The following MKLN1 variants were observed in gnomAD, a reference collection of about 807,000 sequenced individuals.
The protein encoded by MKLN1 is muskelin 1.
In MKLN1, 18 loss-of-function variants were observed where a neutral mutation model predicts 99.0. The observed-to-expected ratio is 0.18, with a 90% CI of 0.13 to 0.27. The LOEUF is 0.27. Ranked by LOEUF, MKLN1 falls within the 10% of genes least tolerant of loss-of-function variation. MKLN1 has a pLI of 1.00. For synonymous variants in MKLN1, 288 were observed against 293.2 expected (o/e 0.98, Z 0.18); for missense variants, 621 against 875.9 (o/e 0.71, Z 3.67).
chr7:131,278,121 C>A (rs1018437822), intron 3 of MKLN1, among the ~76,000 whole-genome samples: 1 of 152,066 alleles, frequency 6.6e-6, no homozygotes, highest in Non-Finnish European at 1.5e-5. Context: ...CAGCTCACTG[C>A]AACCTCTGCC....
intron 1 of MKLN1, among the ~76,000 whole-genome samples, chr7:131,113,930 C>T (rs546095990): frequency 5.3e-5 from 8 of 152,198 alleles, no homozygotes; most frequent in African/African-American, 1.4e-4. Flanking sequence ...CCCTCACTAT[C>T]GTGAGAACAG....
At chr7:131,449,470 G>A (rs1000644943) in intron 12 of MKLN1, among the ~76,000 whole-genome samples, 1 of 152,140 alleles carries the variant, frequency 6.6e-6, no homozygotes, top group African/African-American at 2.4e-5. Context: ...CAATGTTCCT[G>A]TGAGTTGCAT....
intron 6 of MKLN1, 92 bp from the exon 7 acceptor site, chr7:131,411,212 CTT>C: frequency 1.5e-6 from 1 of 684,506 alleles, no homozygotes; most frequent in African/African-American, 1.8e-5. Context: ...TTAGTAATTT[CTT>C]TTAATGTAGC....
intron 3 of MKLN1, among the ~76,000 whole-genome samples, chr7:131,321,596 AT>A (rs943019660): frequency 2.0e-5 from 3 of 152,346 alleles, no homozygotes; most frequent in African/African-American, 7.2e-5. Context: ...TTTAAAAAAA[AT>A]AAAAACTTTT....
At chr7:131,467,072 C>T (rs1367829798) in intron 15 of MKLN1, among the ~76,000 whole-genome samples, 1 of 152,078 alleles carries the variant, frequency 6.6e-6, no homozygotes, top group Non-Finnish European at 1.5e-5. Context: ...TGCTTTAGGG[C>T]CAGGTGCAGT....
intron 12 of MKLN1, among the ~76,000 whole-genome samples, 180 bp downstream of exon 12, chr7:131,446,083 G>A (rs1796005228): frequency 6.6e-6 from 1 of 151,856 alleles, no homozygotes; most frequent in African/African-American, 2.4e-5. Flanking sequence ...TTTAAATATG[G>A]GAATTACTAT....
intron 3 of MKLN1, among the ~76,000 whole-genome samples, chr7:131,307,883 T>C (rs1427301308): frequency 6.6e-6 from 1 of 152,194 alleles, no homozygotes; most frequent in Non-Finnish European, 1.5e-5. Flanking sequence ...AATTGTATTT[T>C]GCAATCTGAA....
intron 3 of MKLN1, among the ~76,000 whole-genome samples, chr7:131,283,302 CT>C (rs1798079027): frequency 7.8e-6 from 1 of 128,646 alleles, no homozygotes; most frequent in Non-Finnish European, 1.6e-5. Flanking sequence ...AGAGAAGGCC[CT>C]TCCCTCCCTC....
intron 1 of MKLN1, among the ~76,000 whole-genome samples, chr7:131,354,423 A>G (rs1648430092): frequency 6.7e-6 from 1 of 148,634 alleles, no homozygotes; most frequent in Admixed American, 6.7e-5. Context: ...TGGGTTTCAC[A>G]TGTTTAGTGT....
At chr7:131,279,529 C>T (rs755602638) in intron 3 of MKLN1, among the ~76,000 whole-genome samples, 3 of 152,098 alleles carry the variant, frequency 2.0e-5, no homozygotes, top group Non-Finnish European at 2.9e-5. Context: ...AAGTTTGGTC[C>T]AGGTGTGGTG....
At chr7:131,278,194 C>T (rs577008638) in intron 3 of MKLN1, among the ~76,000 whole-genome samples, 35 of 152,126 alleles carry the variant, frequency 2.3e-4, no homozygotes, top group East Asian at 3.9e-4. Flanking sequence ...AGGCACACCA[C>T]GCCTGGCTAA....
intron 12 of MKLN1, among the ~76,000 whole-genome samples, chr7:131,455,422 TAAAG>T (rs1796303248): frequency 6.6e-6 from 1 of 152,224 alleles, no homozygotes; most frequent in Non-Finnish European, 1.5e-5. Context: ...TTAAAGATGT[TAAAG>T]AAGAAATAGA....
rs183006327 is a variant in MKLN1 at position 131,329,085 on chromosome 7, G to A, written c.98+1088G>A. Among the ~76,000 whole-genome samples, 116 of 152,250 alleles carry A rather than the reference G, an allele frequency of 7.6e-4. 1 individual carries two copies. The highest frequency in any genetic ancestry group is 2.2e-3 in the Admixed American group (34 of 15,302). On this transcript the variant is annotated intron_variant, in intron 1 of 17. Transcript: ENST00000352689. ...ATTAATGAATAATATATTTTACTGA[G>A]TATTTTACTAAACAAAAAAGTGACT...
At position 131,258,732 on chromosome 7, in the gene MKLN1, T is replaced by C. The variant is rs555850554; in HGVS notation, c.-179+55758T>C. Among the ~76,000 whole-genome samples the C allele has an allele frequency of 4.3e-3, 649 of 152,320 alleles. 7 individuals are homozygous for C. Among genetic ancestry groups the C allele is most frequent in the African/African-American group, 0.015 (611 of 41,570 alleles). On this transcript the variant is annotated intron_variant, in intron 3 of 7. Coordinates refer to the MKLN1 transcript ENST00000416992. ...TGTGTGGTTATATTTTCCCCTTCTT[T>C]CCTTCTTTTATGAGATCAATTCTAG...
chr7:131,334,885 T>A (rs1041014906), intron 1 of MKLN1, among the ~76,000 whole-genome samples: 4 of 152,214 alleles, frequency 2.6e-5, no homozygotes, highest in African/African-American at 9.6e-5. Context: ...AATTTAGAGA[T>A]CCCTAATTAC....
intron 9 of MKLN1, among the ~76,000 whole-genome samples, chr7:131,430,987 C>T (rs987615302): frequency 6.6e-6 from 1 of 152,060 alleles, no homozygotes; most frequent in East Asian, 1.9e-4. Context: ...TTCGGGAGAG[C>T]GAGGCCAGCA....
At chr7:131,186,148 G>A (rs980445169) in intron 2 of MKLN1, among the ~76,000 whole-genome samples, 9 of 151,952 alleles carry the variant, frequency 5.9e-5, no homozygotes, top group African/African-American at 1.9e-4. Flanking sequence ...CCGAAATCAT[G>A]TCATTGCACT....
chr7:131,473,720 C>T (rs1032545492), intron 16 of MKLN1, among the ~76,000 whole-genome samples: 52 of 152,136 alleles, frequency 3.4e-4, no homozygotes, highest in Non-Finnish European at 4.4e-4. Context: ...ATCGATTCCC[C>T]ATAATAGGTC....
chr7:131,175,177 T>C (rs1796278267), intron 2 of MKLN1, among the ~76,000 whole-genome samples: 2 of 96,170 alleles, frequency 2.1e-5, no homozygotes, highest in African/African-American at 9.3e-5. Flanking sequence ...TTAGATTAGA[T>C]AGATAGACAG....
Sources: allele counts gnomAD v4.1 joint callset (sites outside exome capture counted in the v4.1 genomes callset), GRCh38; gene constraint gnomAD v4.1.1; transcripts MANE v1.5; gene names NCBI Gene and HGNC (gene_info 2026-07-23, HGNC 2026-07-21).